RGS3: variants seen among roughly 807,000 people sequenced by gnomAD.
RGS3 encodes the protein regulator of G-protein signalling 3.
Under a neutral mutation model 132.6 loss-of-function variants are expected in RGS3, and 80 were observed. The ratio of observed to expected loss-of-function variants is 0.60; its 90% CI spans 0.50 to 0.73. The LOEUF (loss-of-function observed/expected upper bound fraction) is 0.73. RGS3 is among the 30% of genes least tolerant of loss of function. The pLI is 0.00. For synonymous variants in RGS3, 598 were observed against 620.6 expected (o/e 0.96, Z 0.54); for missense variants, 1,382 against 1,530.8 (o/e 0.90, Z 1.62).
intron 10 of RGS3, among the ~76,000 whole-genome samples, chr9:113,503,034 A>G (rs908076176): frequency 1.3e-5 from 2 of 152,218 alleles, no homozygotes; most frequent in African/African-American, 4.8e-5. Flanking sequence ...TTTGGGGATT[A>G]CAGTCTAGGC....
chr9:113,552,762 C>T (rs1409195581), intron 19 of RGS3, among the ~76,000 whole-genome samples: 2 of 152,110 alleles, frequency 1.3e-5, no homozygotes, highest in Non-Finnish European at 2.9e-5. Context: ...CATTTGAGAA[C>T]AGGATGTGTC....
chr9:113,520,202 C>T (rs1450617005), intron 16 of RGS3, among the ~76,000 whole-genome samples: 3 of 152,176 alleles, frequency 2.0e-5, no homozygotes, highest in East Asian at 1.9e-4. Context: ...CTGTGGAAGG[C>T]GACAGGTGAT....
rs1831121379 is a variant in RGS3, at chr9:113,506,137, AGAGGTAAGCCAGCAGTAGGG to A, written c.980-226_980-207del. Among the ~76,000 whole-genome samples the A allele has an allele frequency of 3.9e-5, 6 of 152,016 alleles. No homozygotes were observed. The South Asian group carries it at 8.3e-4, about 21-fold the overall frequency. ...GCCCGGGTAGAAGGGTGGACTGCAG[AGAGGTAAGCCAGCAGTAGGG>A]GAGGTAAGCCAGCAGTAGGGGAGGC... On this transcript the variant is annotated intron_variant, in intron 11 of 24. Coordinates refer to ENST00000350696, the Ensembl canonical transcript of RGS3. This position sits in a 1 kb window ranked among gnomAD's most constrained non-coding sequence, Gnocchi z 4.7.
chr9:113,597,224 A>C (rs1835833017), exon 25 of RGS3: 2 of 392,164 alleles, frequency 5.1e-6, no homozygotes. Context: ...CCAGATCTGG[A>C]GCTGCTGCTC....
chr9:113,484,972 T>C (rs1189034151), intron 6 of RGS3, among the ~76,000 whole-genome samples: 1 of 152,178 alleles, frequency 6.6e-6, no homozygotes, highest in Non-Finnish European at 1.5e-5. Flanking sequence ...GTATTTCTTT[T>C]CAGACCTTTT....
intron 19 of RGS3, among the ~76,000 whole-genome samples, chr9:113,556,315 T>C (rs1247621496): frequency 6.6e-6 from 1 of 152,158 alleles, no homozygotes; most frequent in Non-Finnish European, 1.5e-5. Context: ...AGTCTTCCTT[T>C]CGTTCAGGGA....
At position 113,506,307 on chromosome 9, in the gene RGS3, C is replaced by A; in HGVS notation, c.980-81C>A. On this transcript the variant is annotated intron_variant, in intron 11 of 24. Transcript: ENST00000350696. This position sits in a 1 kb window ranked among gnomAD's most constrained non-coding sequence, Gnocchi z 4.7. ...AAGGGAGGTCCTTGTCTGAGGTCACCATGGCAGCAAAGGACTCCAGATCCT... is the reference window on the plus strand; with the variant it reads ...AAGGGAGGTCCTTGTCTGAGGTCACAATGGCAGCAAAGGACTCCAGATCCT... 1 of 833,792 alleles carries A rather than the reference C, an allele frequency of 1.2e-6. No homozygotes were observed. Among genetic ancestry groups the A allele is most frequent in the Non-Finnish European group, 2.0e-6 (1 of 508,928 alleles). The allele number at this position is 833,792 out of a possible 1,614,324, so 51.6% of individuals were successfully genotyped here.
chr9:113,446,456 A>G (rs1564430266), intron 1 of RGS3, among the ~76,000 whole-genome samples: 1 of 152,244 alleles, frequency 6.6e-6, no homozygotes, highest in Admixed American at 6.5e-5. Context: ...CATTATGAAA[A>G]TGACATGCTT....
At chr9:113,470,894 G>C (rs1457325457) in intron 3 of RGS3, among the ~76,000 whole-genome samples, 1 of 152,156 alleles carries the variant, frequency 6.6e-6, no homozygotes, top group Non-Finnish European at 1.5e-5. Context: ...GAGCCTAGGA[G>C]GTCAAGACTA....
chr9:113,580,917 C>T (rs373365244), intron 19 of RGS3: 1 of 985,588 alleles, frequency 1.0e-6, no homozygotes. Flanking sequence ...GCCCGCTCCC[C>T]ACTCAGTGCC....
chr9:113,486,821 G>A (rs1013917467), intron 7 of RGS3, among the ~76,000 whole-genome samples: 8 of 152,170 alleles, frequency 5.3e-5, no homozygotes, highest in African/African-American at 7.2e-5. Flanking sequence ...CATACAAAAC[G>A]AAGGATTTCT....
intron 19 of RGS3, among the ~76,000 whole-genome samples, chr9:113,561,586 A>ATTTTT (rs1181886025): frequency 8.3e-4 from 110 of 133,290 alleles, no homozygotes; most frequent in African/African-American, 2.8e-3. Context: ...CTAATTTTTA[A>ATTTTT]TTTTTTTTTT....
intron 19 of RGS3, among the ~76,000 whole-genome samples, chr9:113,561,592 T>A (rs1833790473): frequency 1.3e-5 from 2 of 150,882 alleles, no homozygotes; most frequent in African/African-American, 2.4e-5. Flanking sequence ...TTTAATTTTT[T>A]TTTTTTTTTT....
exon 25 of RGS3, chr9:113,597,170 A>T: frequency 2.0e-6 from 1 of 498,452 alleles, no homozygotes. Context: ...CTGCCCCGGT[A>T]CGAGGGGGCC....
chr9:113,466,042 T>C (rs1188022250), intron 3 of RGS3, among the ~76,000 whole-genome samples: 3 of 152,208 alleles, frequency 2.0e-5, no homozygotes, highest in Non-Finnish European at 4.4e-5. Flanking sequence ...GGGGAGCCTG[T>C]TAAAAATACA....
At position 113,536,783 on chromosome 9, in the gene RGS3, T is replaced by C; in HGVS notation, c.1915-13T>C. The C allele has an allele frequency of 1.2e-6, 2 of 1,612,594 alleles. No homozygotes were observed. Among genetic ancestry groups the C allele is most frequent in the Non-Finnish European group, 1.7e-6 (2 of 1,178,768 alleles). ...GCCCTGACCGTCCGTTTCTCTATTT[T>C]CCCTGACGTCAGAAGGCAGAGTGCT... On this transcript the variant is annotated splice_polypyrimidine_tract_variant and intron_variant, in intron 18 of 24. Coordinates refer to ENST00000350696, the Ensembl canonical transcript of RGS3.
intron 3 of RGS3, among the ~76,000 whole-genome samples, chr9:113,475,396 T>C (rs1012111853): frequency 2.0e-5 from 3 of 152,072 alleles, no homozygotes; most frequent in Non-Finnish European, 4.4e-5. Context: ...AGAATATTAT[T>C]GGGAAAAGTT....
chr9:113,570,626 T>C (rs538347356), intron 19 of RGS3, among the ~76,000 whole-genome samples: 4 of 152,072 alleles, frequency 2.6e-5, no homozygotes, highest in African/African-American at 7.2e-5. Flanking sequence ...TTTTAGTTAC[T>C]ATGACCTCAA....
chr9:113,513,063 G>T (rs979738526), intron 14 of RGS3, among the ~76,000 whole-genome samples: 1 of 152,194 alleles, frequency 6.6e-6, no homozygotes, highest in African/African-American at 2.4e-5. Flanking sequence ...GGGCGTGGTG[G>T]TGCATGCCTG....
Sources: allele counts gnomAD v4.1 joint callset (sites outside exome capture counted in the v4.1 genomes callset), GRCh38; gene constraint gnomAD v4.1.1; non-coding constraint Gnocchi (gnomAD v3.1); transcripts MANE v1.5; gene names NCBI Gene and HGNC (gene_info 2026-07-23, HGNC 2026-07-21).